The following MICAL2 variants were observed in gnomAD, a reference collection of about 807,000 sequenced individuals.
MICAL2 encodes the protein microtubule associated monooxygenase, calponin and LIM domain containing 2, also known as [F-actin]-monooxygenase MICAL2.
A neutral mutation model predicts 127.3 loss-of-function variants in MICAL2; 77 were observed. The ratio of observed to expected loss-of-function variants is 0.60; its 90% CI spans 0.50 to 0.73. The LOEUF (loss-of-function observed/expected upper bound fraction) is 0.73. MICAL2 is among the 30% of genes least tolerant of loss of function. The probability of loss-of-function intolerance (pLI) is 0.00; values close to 1 mark genes in which losing one functional copy is unlikely to be tolerated. For missense variants in MICAL2, 1,351 were observed against 1,434.4 expected (o/e 0.94, Z 0.94); for synonymous variants, 570 against 551.1 (o/e 1.03, Z -0.48).
intron 2 of MICAL2, among the ~76,000 whole-genome samples, chr11:12,142,058 C>A (rs1258423555): frequency 6.6e-6 from 1 of 152,228 alleles, no homozygotes; most frequent in East Asian, 1.9e-4. Context: ...AGAAGTGAGA[C>A]AGAAGCTAAG....
chr11:12,188,785 A>G (rs1858670923), intron 3 of MICAL2, among the ~76,000 whole-genome samples: 1 of 152,136 alleles, frequency 6.6e-6, no homozygotes, highest in South Asian at 2.1e-4. Flanking sequence ...TACCTACTTT[A>G]TAGGATCCTT....
chr11:12,225,717 T>A (rs540789182), intron 13 of MICAL2: 93 of 172,046 alleles, frequency 5.4e-4, no homozygotes, highest in African/African-American at 2.1e-3. Flanking sequence ...CGAACTGAGC[T>A]CAAGTGATCT....
upstream of MICAL2, among the ~76,000 whole-genome samples, chr11:12,274,996 C>T (rs1360390530): frequency 6.6e-6 from 1 of 151,862 alleles, no homozygotes; most frequent in African/African-American, 2.4e-5. Context: ...GTGGCTGGAC[C>T]AGGAGTGGGA....
chr11:12,167,707 C>G lies in MICAL2; in HGVS notation c.264+5288C>G, dbSNP rs376713708. Among the ~76,000 whole-genome samples the G allele has an allele frequency of 1.8e-4, 28 of 152,264 alleles. No homozygotes were observed. In the South Asian group the frequency reaches 5.4e-3, roughly 29 times the overall value. On this transcript the variant is annotated intron_variant, in intron 3 of 27. Coordinates refer to ENST00000683283, the MANE Select transcript of MICAL2 (RefSeq NM_001282663.2). ...AAGCTTAAAAGAACTCTGGATTTGT[C>G]TGCTTACCTGACAATAGACTGCCGG...
At chr11:12,149,277 G>A (rs55826658) in intron 2 of MICAL2, among the ~76,000 whole-genome samples, 28,555 of 152,082 alleles carry the variant, frequency 0.19, 4,084 homozygotes, top group African/African-American at 0.38. Context: ...GGCTGGAGGG[G>A]CGAGCTAGGG....
At chr11:12,354,897 A>T (rs1009454458) in intron 34 of MICAL2, 1 of 1,586,078 alleles carries the variant, frequency 6.3e-7, no homozygotes, top group Non-Finnish European at 8.6e-7. Context: ...TTCCCCCTAG[A>T]AAGGCTCCTG....
At chr11:12,328,917 C>G (rs1325469908) in intron 32 of MICAL2, among the ~76,000 whole-genome samples, 1 of 151,786 alleles carries the variant, frequency 6.6e-6, no homozygotes, top group African/African-American at 2.4e-5. Context: ...AAGGACCCAT[C>G]CAAGTAAGGG....
chr11:12,339,093 A>T (rs1371646944), intron 32 of MICAL2, among the ~76,000 whole-genome samples: 2 of 152,206 alleles, frequency 1.3e-5, no homozygotes, highest in Non-Finnish European at 2.9e-5. Context: ...CAGGTACACC[A>T]GTCATACGTA....
chr11:12,288,473 G>A (rs547796586), downstream of MICAL2, among the ~76,000 whole-genome samples: 1 of 152,340 alleles, frequency 6.6e-6, no homozygotes, highest in South Asian at 2.1e-4. Context: ...GCTGGGGGAG[G>A]TGCAGGAGCA....
chr11:12,246,775 A>G (rs911206395), intron 21 of MICAL2, among the ~76,000 whole-genome samples: 1 of 152,130 alleles, frequency 6.6e-6, no homozygotes, highest in Non-Finnish European at 1.5e-5. Flanking sequence ...CTCAGTAAAC[A>G]AATATTTATT....
intron 1 of MICAL2, among the ~76,000 whole-genome samples, chr11:12,127,963 A>G (rs922346149): frequency 4.6e-5 from 7 of 152,220 alleles, no homozygotes; most frequent in African/African-American, 1.7e-4. Context: ...GAAGTGGGTT[A>G]CTGAATGTAG....
At chr11:12,294,939 T>G (rs1863966659), downstream of MICAL2, 1 of 1,371,772 alleles carries the variant, frequency 7.3e-7, no homozygotes, top group Non-Finnish European at 9.4e-7. Flanking sequence ...GCAGGCATCT[T>G]TCACTTCGTT....
chr11:12,224,259 A>T (rs1023812724), intron 12 of MICAL2, among the ~76,000 whole-genome samples: 2 of 152,052 alleles, frequency 1.3e-5, no homozygotes, highest in Admixed American at 6.5e-5. Context: ...GTACCTCCCC[A>T]TTACACTTTT....
intron 21 of MICAL2, among the ~76,000 whole-genome samples, chr11:12,245,934 A>T (rs1030701232): frequency 6.6e-6 from 1 of 152,184 alleles, no homozygotes; most frequent in East Asian, 1.9e-4. Context: ...GCTTGTGCCC[A>T]TAGTTGGTCA....
At chr11:12,221,865 C>A in intron 10 of MICAL2, 106 bp downstream of exon 10, 2 of 769,908 alleles carry the variant, frequency 2.6e-6, no homozygotes, top group Non-Finnish European at 4.2e-6. Context: ...GAGCCTCTGC[C>A]TCCTCCATTC....
At chr11:12,160,287 G>A (rs756196425) in intron 2 of MICAL2, among the ~76,000 whole-genome samples, 16 of 151,992 alleles carry the variant, frequency 1.1e-4, no homozygotes, top group South Asian at 2.1e-4. Context: ...CTTCTCTTCC[G>A]GCTCCTCTCA....
At chr11:12,226,037 A>G in intron 13 of MICAL2, 134 bp from the exon 14 acceptor site, 1 of 784,838 alleles carries the variant, frequency 1.3e-6, no homozygotes, top group East Asian at 2.5e-5. Context: ...GGCTGGGGTC[A>G]CTATTCCTCC....
chr11:12,239,692 G>T (rs575761561), intron 17 of MICAL2, 107 bp downstream of exon 17: 1 of 1,347,222 alleles, frequency 7.4e-7, no homozygotes, highest in African/African-American at 1.5e-5. Flanking sequence ...CTGGTCCCAA[G>T]GAGACTTGAG....
chr11:12,257,301 CTCTCCATT>C, intron 24 of MICAL2: 1 of 255,426 alleles, frequency 3.9e-6, no homozygotes, highest in East Asian at 7.3e-5. Context: ...CAACCTGATA[CTCTCCATT>C]GCATGCTCAG....
Sources: gnomAD v4.1 joint callset for allele counts (sites outside exome capture counted in the v4.1 genomes callset) on GRCh38, gnomAD v4.1.1 for gene constraint, MANE v1.5 for transcripts, NCBI Gene and HGNC (gene_info 2026-07-23, HGNC 2026-07-21) for gene names.